Variants in PAX5 observed in about 807,000 individuals in gnomAD.
The protein encoded by PAX5 is paired box protein Pax-5.
A neutral mutation model predicts 43.7 loss-of-function variants in PAX5; 9 were observed. That is an observed-to-expected ratio of 0.21 (90% CI 0.12 to 0.36). The LOEUF is 0.36. Ranked by LOEUF, PAX5 falls within the 10% of genes least tolerant of loss-of-function variation. PAX5 has a pLI of 1.00. For synonymous variants in PAX5, 228 were observed against 214.3 expected (o/e 1.06, Z -0.56); for missense variants, 383 against 532.7 (o/e 0.72, Z 2.77).
chr9:36,967,099 G>A (rs899780807), intron 5 of PAX5, among the ~76,000 whole-genome samples: 14 of 152,158 alleles, frequency 9.2e-5, no homozygotes, highest in African/African-American at 3.4e-4. Context: ...TTAGTCATCC[G>A]GTGCTCCTGC....
chr9:36,959,718 AC>A (rs1352289586), intron 6 of PAX5, among the ~76,000 whole-genome samples: 1 of 151,994 alleles, frequency 6.6e-6, no homozygotes, highest in Non-Finnish European at 1.5e-5. Context: ...ATCAAATTGA[AC>A]CCCCAGGTTG....
chr9:37,011,769 G>T (rs1425947563), intron 3 of PAX5, among the ~76,000 whole-genome samples: 1 of 152,112 alleles, frequency 6.6e-6, no homozygotes, highest in Non-Finnish European at 1.5e-5. Flanking sequence ...GTGAACCGTG[G>T]AGATGCCCCT....
At position 36,833,843 on chromosome 9, in the gene PAX5, TG is replaced by T. The variant is rs1219822268; in HGVS notation, c.*6716del. ...TCAAAGGCAATTCAATTGTGGTTTT[TG>T]TTGTTGGTTTTTTTGTATTTTTTTG... On this transcript the variant is annotated 3_prime_UTR_variant, in exon 10 of 10. Coordinates refer to ENST00000358127, the MANE Select transcript of PAX5 (RefSeq NM_016734.3). 6.5e-5 allele frequency: 15 copies of T among 230,170 alleles called. No homozygotes were observed. The highest frequency in any genetic ancestry group is 8.5e-6 in the Non-Finnish European group (1 of 117,670). 14.3% of individuals were successfully genotyped at this position (230,170 alleles called of 1,614,324 possible).
intron 6 of PAX5, among the ~76,000 whole-genome samples, chr9:36,935,239 G>T (rs139906062): frequency 3.9e-5 from 6 of 152,154 alleles, no homozygotes; most frequent in Non-Finnish European, 7.3e-5. Context: ...AATTAGCCGG[G>T]CATGGTGGTG....
chr9:36,873,924 G>C (rs1017176143), intron 8 of PAX5, among the ~76,000 whole-genome samples: 2 of 152,188 alleles, frequency 1.3e-5, no homozygotes, highest in Admixed American at 1.3e-4. Context: ...TGCTTAACCA[G>C]ACCCAGAGAG....
At chr9:36,892,290 T>C (rs1425921900) in intron 7 of PAX5, among the ~76,000 whole-genome samples, 1 of 152,216 alleles carries the variant, frequency 6.6e-6, no homozygotes, top group Non-Finnish European at 1.5e-5. Flanking sequence ...CACTCATTCA[T>C]GCATTATCTG....
chr9:36,880,277 G>T (rs1384447708), intron 8 of PAX5, among the ~76,000 whole-genome samples: 1 of 152,238 alleles, frequency 6.6e-6, no homozygotes, highest in Non-Finnish European at 1.5e-5. Context: ...TGGACACCCA[G>T]CCCGCACATC....
intron 3 of PAX5, among the ~76,000 whole-genome samples, chr9:37,009,295 C>T (rs541610884): frequency 1.1e-4 from 16 of 152,158 alleles, no homozygotes; most frequent in Non-Finnish European, 1.6e-4. Flanking sequence ...GCTACATGAC[C>T]TTGGGTAAAT....
intron 7 of PAX5, among the ~76,000 whole-genome samples, chr9:36,885,324 G>A: frequency 6.6e-6 from 1 of 152,172 alleles, no homozygotes; most frequent in Non-Finnish European, 1.5e-5. Context: ...GACGAAGCAT[G>A]TCAAGTCTGC....
chr9:36,877,594 A>T (rs1986546), intron 8 of PAX5, among the ~76,000 whole-genome samples: 73,963 of 152,014 alleles, frequency 0.49, 21,440 homozygotes, highest in East Asian at 0.68. Context: ...CAAACATGCC[A>T]ACAGGCCCTC....
intron 5 of PAX5, among the ~76,000 whole-genome samples, chr9:36,969,597 G>T (rs1416903718): frequency 6.6e-6 from 1 of 152,220 alleles, no homozygotes; most frequent in African/African-American, 2.4e-5. Flanking sequence ...CTGGACACGC[G>T]CCCCTCTCTG....
intron 7 of PAX5, among the ~76,000 whole-genome samples, chr9:36,920,611 C>G (rs868023260): frequency 5.3e-5 from 8 of 152,092 alleles, no homozygotes; most frequent in South Asian, 4.2e-4. Flanking sequence ...TGCGTGGGAC[C>G]AGAAGTGTTT....
chr9:36,973,406 G>A (rs1319561893), intron 5 of PAX5, among the ~76,000 whole-genome samples: 1 of 152,200 alleles, frequency 6.6e-6, no homozygotes, highest in Non-Finnish European at 1.5e-5. Flanking sequence ...GAGCTGGGGT[G>A]ACTGGCAAGA....
At chr9:36,960,652 AGATCCCG>A (rs1833890042) in intron 6 of PAX5, among the ~76,000 whole-genome samples, 1 of 152,214 alleles carries the variant, frequency 6.6e-6, no homozygotes, top group African/African-American at 2.4e-5. Context: ...TCCAGGCCAC[AGATCCCG>A]GGCTCTGGGA....
Position 37,002,785 on chromosome 9 carries a change from A to T in PAX5, c.476-9T>A. ...CACGGAGCCAGTGGACACTGCGCGG[A>T]GAAAGACGGGCGGTCAGGGCCGCAG... On this transcript the variant is annotated splice_polypyrimidine_tract_variant and intron_variant, in intron 4 of 9. Coordinates refer to ENST00000358127, the MANE Select transcript of PAX5 (RefSeq NM_016734.3). 6.2e-7 allele frequency: 1 copy of T among 1,605,614 alleles called. No homozygotes were observed. The highest frequency in any genetic ancestry group is 8.5e-7 in the Non-Finnish European group (1 of 1,176,862).
intron 1 of PAX5, among the ~76,000 whole-genome samples, 163 bp downstream of exon 1, chr9:37,033,821 AGT>A (rs1301672544): frequency 6.6e-6 from 1 of 152,200 alleles, no homozygotes; most frequent in Non-Finnish European, 1.5e-5. Context: ...CTGATGCAGA[AGT>A]GTGTGAACAG....
intron 7 of PAX5, among the ~76,000 whole-genome samples, chr9:36,917,422 G>A (rs2131937813): frequency 6.6e-6 from 1 of 152,338 alleles, no homozygotes; most frequent in African/African-American, 2.4e-5. Context: ...ACGACTATGT[G>A]GGAATATGAC....
rs548014154 is a variant in PAX5 at position 37,015,823 on chromosome 9, G to A, written c.213-629C>T. On this transcript the variant is annotated intron_variant, in intron 2 of 9. Transcript: ENST00000358127. The surrounding 1 kb of genome is among the most constrained non-coding windows in gnomAD (Gnocchi z 4.4). ...TCGAACTCCCGACCTCAGGTTATCC[G>A]CCTGCCTCGGCCTCCCAAAGTGCTG... 2.8e-4 allele frequency among the ~76,000 whole-genome samples: 42 copies of A among 152,012 alleles called. 1 individual carries two copies. The South Asian group carries it at 7.3e-3, about 26-fold the overall frequency.
chr9:36,989,319 G>A (rs548396429), intron 5 of PAX5, among the ~76,000 whole-genome samples: 1 of 152,316 alleles, frequency 6.6e-6, no homozygotes, highest in South Asian at 2.1e-4. Flanking sequence ...CTCTGTGAGA[G>A]GCAGACTGGG....
Sources: allele counts gnomAD v4.1 joint callset (sites outside exome capture counted in the v4.1 genomes callset), GRCh38; gene constraint gnomAD v4.1.1; non-coding constraint Gnocchi (gnomAD v3.1); transcripts MANE v1.5; gene names NCBI Gene and HGNC (gene_info 2026-07-23, HGNC 2026-07-21).